Variants in COL6A5 observed in about 807,000 individuals in gnomAD.
The protein encoded by COL6A5 is collagen alpha-5(VI) chain.
In COL6A5, 48 loss-of-function variants were observed where a neutral mutation model predicts 65.6. The observed-to-expected ratio is 0.73, with a 90% confidence interval of 0.58 to 0.93. The LOEUF (loss-of-function observed/expected upper bound fraction) is 0.93, where lower values mean the gene tolerates loss of function less well. Among genes scored for constraint, COL6A5 ranks in the 40% least tolerant of loss-of-function variants. The pLI is 0.00. For synonymous variants in COL6A5, 291 were observed against 322.8 expected, an observed-to-expected ratio of 0.90 and a Z score of 1.05; for missense variants, 914 against 928.3, an observed-to-expected ratio of 0.98 and a Z score of 0.20.
chr3:130,466,539 T>C (rs1709821530), intron 5 of COL6A5, among the ~76,000 whole-genome samples: 1 of 151,810 alleles, frequency 6.6e-6, no homozygotes, highest in Admixed American at 6.6e-5. Flanking sequence ...AAATCAATGA[T>C]CACAACTTCT....
chr3:130,383,109 A>T (rs1936063898), intron 4 of COL6A5, among the ~76,000 whole-genome samples: 1 of 152,084 alleles, frequency 6.6e-6, no homozygotes, highest in Admixed American at 6.6e-5. Flanking sequence ...TGTATATATG[A>T]ATGCACAGGT....
At chr3:130,367,963 C>G (rs1935401763) in intron 1 of COL6A5, among the ~76,000 whole-genome samples, 1 of 152,152 alleles carries the variant, frequency 6.6e-6, no homozygotes, top group Non-Finnish European at 1.5e-5. Flanking sequence ...TTTTTTCTAG[C>G]CAGGCAAGAA....
At chr3:130,365,848 G>C (rs1444365901) in intron 1 of COL6A5, among the ~76,000 whole-genome samples, 1 of 152,182 alleles carries the variant, frequency 6.6e-6, no homozygotes, top group African/African-American at 2.4e-5. Context: ...CAGAAACTCT[G>C]GGAGTGGGAC....
chr3:130,475,737 T>C (rs1710076599), intron 7 of COL6A5, among the ~76,000 whole-genome samples: 1 of 152,062 alleles, frequency 6.6e-6, no homozygotes, highest in Non-Finnish European at 1.5e-5. Context: ...AAATGGGTGA[T>C]TGAAAGGGAG....
intron 1 of COL6A5, among the ~76,000 whole-genome samples, chr3:130,373,152 A>G (rs1004906632): frequency 2.6e-5 from 4 of 152,306 alleles, no homozygotes; most frequent in African/African-American, 2.4e-5. Context: ...GTGGCATAAC[A>G]ATAAAGGGTA....
chr3:130,393,454 T>C (rs16827240), intron 7 of COL6A5, among the ~76,000 whole-genome samples: 11,445 of 152,280 alleles, frequency 0.075, 541 homozygotes, highest in East Asian at 0.19. Flanking sequence ...TATCTGTATC[T>C]ATCAAAAGAC....
At chr3:130,356,460 C>T (rs569334879) in intron 1 of COL6A5, among the ~76,000 whole-genome samples, 1 of 152,042 alleles carries the variant, frequency 6.6e-6, no homozygotes, top group Non-Finnish European at 1.5e-5. Flanking sequence ...TTAAGCATTT[C>T]AAAAACTGAG....
exon 24 of COL6A5, chr3:130,416,788 G>A: frequency 6.5e-7 from 1 of 1,533,842 alleles, no homozygotes. Flanking sequence ...GCTAAAGGGA[G>A]CACTGGAAGA....
exon 6 of COL6A5, chr3:130,469,043 A>G (rs778682000): frequency 4.3e-6 from 7 of 1,612,762 alleles, no homozygotes; most frequent in South Asian, 1.1e-5. Context: ...TCCAGGCTAT[A>G]TGCCTAACAC....
intron 5 of COL6A5, among the ~76,000 whole-genome samples, chr3:130,461,783 A>T (rs1010981757): frequency 6.6e-6 from 1 of 151,616 alleles, no homozygotes; most frequent in Non-Finnish European, 1.5e-5. Flanking sequence ...TTTAAAAAAA[A>T]CCTTCTTATA....
At chr3:130,401,158 A>G in exon 11 of COL6A5, 3 of 1,545,650 alleles carry the variant, frequency 1.9e-6, no homozygotes, top group Admixed American at 2.0e-5. Flanking sequence ...TGGGCAAAAA[A>G]CTATCACAGT....
chr3:130,445,858 C>A (rs1298153872), intron 4 of COL6A5, among the ~76,000 whole-genome samples: 1 of 152,080 alleles, frequency 6.6e-6, no homozygotes, highest in East Asian at 1.9e-4. Context: ...GTTACTAAAC[C>A]ATGTGAGTCA....
At chr3:130,462,470 C>T (rs539148439) in intron 5 of COL6A5, among the ~76,000 whole-genome samples, 2 of 152,086 alleles carry the variant, frequency 1.3e-5, no homozygotes, top group African/African-American at 4.8e-5. Context: ...TTTCAGATGC[C>T]TGAGACTTTT....
intron 1 of COL6A5, among the ~76,000 whole-genome samples, chr3:130,351,389 G>T (rs1224955633): frequency 6.6e-6 from 1 of 152,204 alleles, no homozygotes; most frequent in African/African-American, 2.4e-5. Context: ...CTACAAAATG[G>T]GAGAGAATTT....
Position 130,379,304 on chromosome 3 carries a change from A to G in COL6A5, c.668-114A>G, listed in dbSNP as rs74387849. 4,659 of 954,594 alleles carry G rather than the reference A, an allele frequency of 4.9e-3. 157 individuals are homozygous for G. The African/African-American group carries it at 0.067, about 14-fold the overall frequency. The allele number at this position is 954,594 out of a possible 1,614,324, so 59.1% of individuals were successfully genotyped here. A position where few individuals can be genotyped will look rare whatever the true frequency, so the allele number is the denominator to read the frequency against. ...TCACTAAAAGAAAACGATGCTGTCT[A>G]CATCCATCATGACTACCTCTATTCT... On this transcript the variant is annotated intron_variant and NMD_transcript_variant, in intron 3 of 41. Transcript: ENST00000312481.
At chr3:130,418,289 T>C (rs1364840723) in intron 24 of COL6A5, among the ~76,000 whole-genome samples, 2 of 152,012 alleles carry the variant, frequency 1.3e-5, no homozygotes, top group Non-Finnish European at 2.9e-5. Context: ...GGCCTCTCAC[T>C]AATGTCTTCC....
chr3:130,407,057 G>A (rs1440400573), intron 17 of COL6A5, among the ~76,000 whole-genome samples: 1 of 152,316 alleles, frequency 6.6e-6, no homozygotes, highest in Non-Finnish European at 1.5e-5. Flanking sequence ...CCAGAGAAGG[G>A]CATGTAACTC....
At chr3:130,405,622 A>G in exon 14 of COL6A5, 5 of 1,550,702 alleles carry the variant, frequency 3.2e-6, no homozygotes, top group Non-Finnish European at 4.4e-6. Context: ...CAAGGAGACA[A>G]AGGGATTGCA....
chr3:130,362,284 T>TGTCTC (rs1935141921), intron 1 of COL6A5, among the ~76,000 whole-genome samples: 1 of 116,484 alleles, frequency 8.6e-6, no homozygotes, highest in Non-Finnish European at 1.7e-5. Context: ...GTCTCTGTCT[T>TGTCTC]TCTCCATATA....
Sources: gnomAD v4.1 joint callset for allele counts (sites outside exome capture counted in the v4.1 genomes callset) on GRCh38, gnomAD v4.1.1 for gene constraint, MANE v1.5 for transcripts, NCBI Gene and HGNC (gene_info 2026-07-23, HGNC 2026-07-21) for gene names.